MLLT3: variants seen among roughly 807,000 people sequenced by gnomAD.
MLLT3 encodes protein AF-9.
A neutral mutation model predicts 53.2 loss-of-function variants in MLLT3; 4 were observed. The ratio of observed to expected loss-of-function variants is 0.08; its 90% CI spans 0.04 to 0.17. MLLT3 has a LOEUF of 0.17. Among genes scored for constraint, MLLT3 ranks in the 10% least tolerant of loss-of-function variants. The probability of loss-of-function intolerance (pLI) is 1.00; values close to 1 mark genes in which losing one functional copy is unlikely to be tolerated. For missense variants in MLLT3, 569 were observed against 684.0 expected (o/e 0.83, Z 1.87); for synonymous variants, 283 against 230.6 (o/e 1.23, Z -2.06).
intron 2 of MLLT3, among the ~76,000 whole-genome samples, chr9:20,478,410 C>T (rs1003468390): frequency 3.9e-5 from 6 of 152,104 alleles, no homozygotes; most frequent in African/African-American, 1.2e-4. Flanking sequence ...AGAAGAGATG[C>T]TCACTAACCA....
intron 2 of MLLT3, among the ~76,000 whole-genome samples, chr9:20,586,242 C>T (rs1244682343): frequency 6.6e-6 from 1 of 151,888 alleles, no homozygotes; most frequent in Non-Finnish European, 1.5e-5. Context: ...ACTGTTTGAG[C>T]CCAGATGGTC....
chr9:20,585,762 A>G (rs1016759864), intron 2 of MLLT3, among the ~76,000 whole-genome samples: 1 of 152,216 alleles, frequency 6.6e-6, no homozygotes, highest in Non-Finnish European at 1.5e-5. Context: ...GTGTGGTCTC[A>G]TGGTCATCTT....
intron 2 of MLLT3, among the ~76,000 whole-genome samples, chr9:20,579,924 A>T (rs953174028): frequency 6.6e-6 from 1 of 152,114 alleles, no homozygotes; most frequent in Non-Finnish European, 1.5e-5. Context: ...CCTAAAGTAG[A>T]CCCCAGGCAG....
In MLLT3 at chr9:20,422,691, C is replaced by T. The variant is rs557653384; in HGVS notation, c.421-8266G>A. Among the ~76,000 whole-genome samples the T allele has an allele frequency of 2.0e-4, 31 of 152,282 alleles. No individual in the cohort carries two copies. In the South Asian group the frequency reaches 6.4e-3, roughly 32 times the overall value. Reference sequence around the variant, plus strand: ...TCTGACAATTATTTATTAGGAAAGACAGGCCTTAATAGCAGCCGCAAAGAG... The same window carrying T: ...TCTGACAATTATTTATTAGGAAAGATAGGCCTTAATAGCAGCCGCAAAGAG... On this transcript the variant is annotated intron_variant, in intron 4 of 10. Transcript: ENST00000380338.
intron 4 of MLLT3, among the ~76,000 whole-genome samples, chr9:20,421,813 A>G (rs1289965637): frequency 2.6e-5 from 4 of 152,218 alleles, no homozygotes; most frequent in Non-Finnish European, 5.9e-5. Flanking sequence ...CTTAAATACC[A>G]AAAGAATCAA....
intron 2 of MLLT3, among the ~76,000 whole-genome samples, chr9:20,541,878 C>T (rs112728533): frequency 3.9e-5 from 6 of 152,274 alleles, no homozygotes; most frequent in African/African-American, 1.4e-4. Context: ...CAGTCATTTC[C>T]TCCACTGAAG....
chr9:20,552,801 T>C (rs1481107899), intron 2 of MLLT3, among the ~76,000 whole-genome samples: 1 of 152,270 alleles, frequency 6.6e-6, no homozygotes, highest in East Asian at 1.9e-4. Flanking sequence ...AAGACTAGTA[T>C]TACCATATAA....
At chr9:20,517,447 C>T (rs1217660940) in intron 2 of MLLT3, among the ~76,000 whole-genome samples, 1 of 150,100 alleles carries the variant, frequency 6.7e-6, no homozygotes, top group Non-Finnish European at 1.5e-5. Flanking sequence ...CAGAGTGAGA[C>T]TCTGTCTCAA....
chr9:20,505,874 C>G (rs377136321), intron 2 of MLLT3, among the ~76,000 whole-genome samples: 1 of 152,160 alleles, frequency 6.6e-6, no homozygotes, highest in Non-Finnish European at 1.5e-5. Context: ...AGTTTAGATA[C>G]CCCCTCAGTG....
chr9:20,551,871 C>A (rs764622638), intron 2 of MLLT3, among the ~76,000 whole-genome samples: 6 of 152,164 alleles, frequency 3.9e-5, no homozygotes, highest in Non-Finnish European at 7.4e-5. Context: ...CAGCAGTAGA[C>A]TTTTGTAACC....
intron 7 of MLLT3, 80 bp downstream of exon 7, chr9:20,363,396 T>G: frequency 4.0e-6 from 6 of 1,488,062 alleles, no homozygotes; most frequent in African/African-American, 1.4e-5. Context: ...GTTTCACACC[T>G]TTGCTGTGAT....
At chr9:20,533,754 T>C (rs530252636) in intron 2 of MLLT3, among the ~76,000 whole-genome samples, 3 of 152,280 alleles carry the variant, frequency 2.0e-5, no homozygotes, top group South Asian at 2.1e-4. Context: ...TGTAGCAAAA[T>C]AGATGAACCT....
chr9:20,557,574 T>A (rs947813888), intron 2 of MLLT3, among the ~76,000 whole-genome samples: 1 of 152,150 alleles, frequency 6.6e-6, no homozygotes, highest in African/African-American at 2.4e-5. Context: ...GCCCACATCT[T>A]TATAAATTGC....
intron 2 of MLLT3, among the ~76,000 whole-genome samples, chr9:20,567,721 T>C (rs746687281): frequency 9.2e-5 from 14 of 152,168 alleles, no homozygotes; most frequent in Non-Finnish European, 1.3e-4. Flanking sequence ...CCAACAATAA[T>C]GTATATTTTG....
In MLLT3 at chr9:20,346,580, G is replaced by A; in HGVS notation, c.1576-6C>T. ...TCTTCTATAAGGTTCACGATCTAGA[G>A]GAGTGAAGAAGAGAAAGTTTGGGCA... is the stretch of plus-strand genomic sequence containing the variant. On this transcript the variant is annotated splice_polypyrimidine_tract_variant and splice_region_variant and intron_variant, in intron 10 of 10. Coordinates refer to ENST00000380338, the MANE Select transcript of MLLT3 (RefSeq NM_004529.4). The A allele has an allele frequency of 6.2e-7, 1 of 1,610,446 alleles. No homozygotes were observed. Among genetic ancestry groups the A allele is most frequent in the Non-Finnish European group, 8.5e-7 (1 of 1,178,748 alleles).
At chr9:20,446,367 G>A (rs765523111) in intron 4 of MLLT3, among the ~76,000 whole-genome samples, 5 of 152,178 alleles carry the variant, frequency 3.3e-5, no homozygotes, top group Non-Finnish European at 7.4e-5. Context: ...TAAAGGCTGA[G>A]TAGAGCACAA....
intron 5 of MLLT3, among the ~76,000 whole-genome samples, chr9:20,408,135 T>A (rs1445079123): frequency 6.6e-6 from 1 of 152,116 alleles, no homozygotes; most frequent in Non-Finnish European, 1.5e-5. Context: ...ACAACCAGCT[T>A]TGCAAAGATA....
intron 5 of MLLT3, among the ~76,000 whole-genome samples, chr9:20,413,300 CA>C (rs1373588185): frequency 6.6e-6 from 1 of 152,122 alleles, no homozygotes; most frequent in South Asian, 2.1e-4. Flanking sequence ...TTCCAATGAT[CA>C]AAACATCAAC....
In MLLT3 at chr9:20,414,541, C is replaced by A. The variant is rs935886276; in HGVS notation, c.421-116G>T. On this transcript the variant is annotated intron_variant, in intron 4 of 10. Coordinates refer to ENST00000380338, the MANE Select transcript of MLLT3 (RefSeq NM_004529.4). Reference sequence around the variant, plus strand: ...TCCTCTCAAGCTATCATTAAAATACCAAAAATATTTTAATATAAACCAAAA... The same window carrying A: ...TCCTCTCAAGCTATCATTAAAATACAAAAAATATTTTAATATAAACCAAAA... 15 of 1,463,258 alleles carry A rather than the reference C, an allele frequency of 1.0e-5. No homozygotes were observed. In the African/African-American group the frequency reaches 1.4e-4, roughly 14 times the overall value. The allele number at this position is 1,463,258 out of a possible 1,614,324, so 90.6% of individuals were successfully genotyped here. A position where few individuals can be genotyped will look rare whatever the true frequency, so the allele number is the denominator to read the frequency against.
Sources: allele counts gnomAD v4.1 joint callset (sites outside exome capture counted in the v4.1 genomes callset), GRCh38; gene constraint gnomAD v4.1.1; transcripts MANE v1.5; gene names NCBI Gene and HGNC (gene_info 2026-07-23, HGNC 2026-07-21).